The following SHOX variants were observed in gnomAD, a reference collection of about 807,000 sequenced individuals.
SHOX encodes the protein SHOX homeobox.
SHOX carries 12 observed loss-of-function variants against 29.6 expected under a neutral mutation model. The ratio of observed to expected loss-of-function variants is 0.41; its 90% CI spans 0.26 to 0.66. The LOEUF (loss-of-function observed/expected upper bound fraction) is 0.66, where lower values mean the gene tolerates loss of function less well. Among genes scored for constraint, SHOX ranks in the 30% least tolerant of loss-of-function variants. The probability of loss-of-function intolerance (pLI) is 0.35; values close to 1 mark genes in which losing one functional copy is unlikely to be tolerated. For missense variants in SHOX, 499 were observed against 437.7 expected, an observed-to-expected ratio of 1.14 and a Z score of -1.25; for synonymous variants, 214 against 200.6, an observed-to-expected ratio of 1.07 and a Z score of -0.57.
chrX:631,735 T>C (rs921057486), intron 1 of SHOX, among the ~76,000 whole-genome samples: 15 of 152,224 alleles, frequency 9.9e-5, no homozygotes, highest in Non-Finnish European at 1.9e-4. Flanking sequence ...ATTCACCATG[T>C]TGGCCAGGCT....
upstream of SHOX, among the ~76,000 whole-genome samples, chrX:626,479 C>T (rs1411294063): frequency 7.3e-6 from 1 of 137,120 alleles, no homozygotes; most frequent in Non-Finnish European, 1.6e-5. Context: ...ATCTCTGTCT[C>T]TCTTTCTCTC....
upstream of SHOX, among the ~76,000 whole-genome samples, chrX:628,483 TTC>T (rs1380318722): frequency 2.9e-5 from 3 of 105,232 alleles, no homozygotes; most frequent in East Asian, 3.1e-4. Flanking sequence ...CTCCCTGTGT[TTC>T]TCTCTCTCCA....
intron 5 of SHOX, among the ~76,000 whole-genome samples, chrX:658,336 T>G (rs1342400013): frequency 6.6e-6 from 1 of 152,028 alleles, no homozygotes; most frequent in East Asian, 1.9e-4. Flanking sequence ...ACCATGAAGA[T>G]AGACAGACTC....
rs756164737 is a variant in SHOX, at chrX:650,554, C to A, written c.*5918C>A. Among the ~76,000 whole-genome samples the A allele has an allele frequency of 6.6e-5, 10 of 151,982 alleles. No homozygotes were observed. The highest frequency in any genetic ancestry group is 2.2e-4 in the African/African-American group (9 of 41,486). Reference sequence around the variant, plus strand: ...AGGATGAAAGGGAAATACCAGAGTCCTCTGTCCTCGCCTCTGGGTTTCATG... The same window carrying A: ...AGGATGAAAGGGAAATACCAGAGTCATCTGTCCTCGCCTCTGGGTTTCATG... On this transcript the variant is annotated 3_prime_UTR_variant, in exon 5 of 5. Transcript: ENST00000686671.
rs2053033970 is a variant in SHOX at position 650,237 on chromosome X, C to CAAAGCTGGAGGTCTGGA, written c.*5609_*5610insAGGTCTGGAAAAGCTGG. On this transcript the variant is annotated 3_prime_UTR_variant, in exon 5 of 5. Coordinates refer to ENST00000686671, the MANE Select transcript of SHOX (RefSeq NM_000451.4). ...CGTCCAACACCCGTTTTTCCACTTA[C>CAAAGCTGGAGGTCTGGA]AAAGCTGGTGGTGCGACGGGCTTGG... Among the ~76,000 whole-genome samples the CAAAGCTGGAGGTCTGGA allele has an allele frequency of 6.6e-6, 1 of 152,204 alleles. No homozygotes were observed. The highest frequency in any genetic ancestry group is 1.5e-5 in the Non-Finnish European group (1 of 68,038).
rs1165562276 is a variant in SHOX, at chrX:645,212, G to T, written c.*576G>T. The T allele has an allele frequency of 6.6e-6, 1 of 152,154 alleles. No individual in the cohort carries two copies. Among genetic ancestry groups the T allele is most frequent in the East Asian group, 1.9e-4 (1 of 5,164 alleles). 9.4% of individuals were successfully genotyped at this position (152,154 alleles called of 1,614,324 possible). A position where few individuals can be genotyped will look rare whatever the true frequency, so the allele number is the denominator to read the frequency against. On this transcript the variant is annotated 3_prime_UTR_variant, in exon 5 of 5. Coordinates refer to ENST00000686671, the MANE Select transcript of SHOX (RefSeq NM_000451.4). Reference sequence around the variant, plus strand: ...CCGGAGCCTCCCAGGCAGCAATAAGGAAATAGTTCTCTGGCTGAGGCTGAG... The same window carrying T: ...CCGGAGCCTCCCAGGCAGCAATAAGTAAATAGTTCTCTGGCTGAGGCTGAG...
At position 631,097 on chromosome X, in the gene SHOX, C is replaced by T. The variant is rs765679079; in HGVS notation, c.200C>T (p.Pro67Leu). The T allele has an allele frequency of 8.1e-6, 13 of 1,613,602 alleles. No individual in the cohort carries two copies. Among genetic ancestry groups the T allele is most frequent in the African/African-American group, 2.7e-5 (2 of 74,920 alleles). ...QDITEGGGHC[P>L]VHLFKDHVDN... ...ATCACGGAGGGCGGCGGCCACTGCC[C>T]GGTGCATTTGTTCAAGGACCACGTA... is the stretch of plus-strand genomic sequence containing the variant. The change falls in exon 1 of 5, where the codon CCG becomes CTG. Residue 67 changes from proline (P) to leucine (L), a missense_variant. Physicochemically the swap from Pro to Leu is moderately conservative, Grantham distance 98. Transcript: ENST00000686671.
Position 650,068 on chromosome X carries a change from T to C in SHOX, c.*5432T>C. 9 of 454,528 alleles carry C rather than the reference T, an allele frequency of 2.0e-5. No homozygotes were observed. The highest frequency in any genetic ancestry group is 1.4e-4 in the South Asian group (9 of 64,286). The allele number at this position is 454,528 out of a possible 1,614,324, so 28.2% of individuals were successfully genotyped here. A position where few individuals can be genotyped will look rare whatever the true frequency, so the allele number is the denominator to read the frequency against. ...TGGCAATTGCCAAGAGTTAGAAAAA[T>C]GCACCTTCTCTGGTGGCCGTTGGGG... On this transcript the variant is annotated 3_prime_UTR_variant, in exon 5 of 5. Transcript: ENST00000686671.
At chrX:657,943 C>G (rs1346660960) in intron 5 of SHOX, among the ~76,000 whole-genome samples, 2 of 152,076 alleles carry the variant, frequency 1.3e-5, no homozygotes, top group Non-Finnish European at 2.9e-5. Flanking sequence ...AAGAGGATTA[C>G]TTTGGAAGTT....
chrX:628,553 C>T (rs2052586840), upstream of SHOX, among the ~76,000 whole-genome samples: 1 of 84,674 alleles, frequency 1.2e-5, no homozygotes, highest in Non-Finnish European at 2.6e-5. Context: ...CTCTCTCTTT[C>T]TCTCTCTATC....
In SHOX at chrX:630,882, A is replaced by G. The variant is rs1461154623; in HGVS notation, c.-16A>G. The stretch of plus-strand genomic sequence containing the variant: ...CATCCACCAGCCCCGGCTGCTCGCC[A>G]GCCCCGGCCCCAGCCATGGAAGAGC... On this transcript the variant is annotated 5_prime_UTR_variant, in exon 1 of 5. Transcript: ENST00000686671. The G allele has an allele frequency of 6.2e-7, 1 of 1,612,490 alleles. No individual in the cohort carries two copies. Among genetic ancestry groups the G allele is most frequent in the African/African-American group, 1.3e-5 (1 of 75,020 alleles).
chrX:641,204 C>A, intron 4 of SHOX, 117 bp downstream of exon 4: 1 of 1,001,348 alleles, frequency 1.0e-6, no homozygotes, highest in South Asian at 1.3e-5. Context: ...GCAGACTTCT[C>A]AGCTGGCCCT....
intron 5 of SHOX, among the ~76,000 whole-genome samples, chrX:658,118 G>A (rs1203180531): frequency 6.6e-6 from 1 of 151,932 alleles, no homozygotes; most frequent in Non-Finnish European, 1.5e-5. Context: ...GGGATCACAG[G>A]TGTGCACCAC....
At position 634,614 on chromosome X, in the gene SHOX, G is replaced by T. The variant is rs1345280057; in HGVS notation, c.278-4G>T. The T allele has an allele frequency of 1.9e-6, 3 of 1,613,396 alleles. No homozygotes were observed. The highest frequency in any genetic ancestry group is 2.5e-6 in the Non-Finnish European group (3 of 1,179,840). On this transcript the variant is annotated splice_region_variant and splice_polypyrimidine_tract_variant and intron_variant, in intron 1 of 4. Coordinates refer to ENST00000686671, the MANE Select transcript of SHOX (RefSeq NM_000451.4). ...CAGCCCTGTGCCCTCCGCTCCCCAC[G>T]CAGGGATTTATGAATGCAAAGAGAA...
Position 634,605 on chromosome X carries a change from G to T in SHOX, c.278-13G>T. ...CCCCGGCCTCAGCCCTGTGCCCTCC[G>T]CTCCCCACGCAGGGATTTATGAATG... On this transcript the variant is annotated splice_polypyrimidine_tract_variant and intron_variant, in intron 1 of 4. Coordinates refer to ENST00000686671, the MANE Select transcript of SHOX (RefSeq NM_000451.4). The T allele has an allele frequency of 1.2e-6, 2 of 1,612,742 alleles. No homozygotes were observed. Among genetic ancestry groups the T allele is most frequent in the Non-Finnish European group, 1.7e-6 (2 of 1,179,682 alleles).
rs1421873915 is a variant in SHOX at position 650,710 on chromosome X, G to A, written c.*6074G>A. ...CACTCCCACGACACACATTTCGGAG[G>A]CACTTTGCTGGAAGCCGCTTGTCTC... On this transcript the variant is annotated 3_prime_UTR_variant, in exon 5 of 5. Coordinates refer to ENST00000686671, the MANE Select transcript of SHOX (RefSeq NM_000451.4). Among the ~76,000 whole-genome samples, 1 of 147,984 alleles carries A rather than the reference G, an allele frequency of 6.8e-6. No individual in the cohort carries two copies. Among genetic ancestry groups the A allele is most frequent in the African/African-American group, 2.5e-5 (1 of 40,132 alleles).
At chrX:655,183 C>A (rs112416808), downstream of SHOX, among the ~76,000 whole-genome samples, 1 of 151,810 alleles carries the variant, frequency 6.6e-6, no homozygotes, top group Non-Finnish European at 1.5e-5. Context: ...TCTCAGCTCA[C>A]TGCAACCTCC....
Position 647,234 on chromosome X carries a change from G to A in SHOX, c.*2598G>A, listed in dbSNP as rs1333097868. ...TGGGATTACAGGCACCTGCCACCAGGCCTGGGTAACTTTCTGGTATTTTTA... is the reference window on the plus strand; with the variant it reads ...TGGGATTACAGGCACCTGCCACCAGACCTGGGTAACTTTCTGGTATTTTTA... On this transcript the variant is annotated 3_prime_UTR_variant, in exon 5 of 5. Coordinates refer to ENST00000686671, the MANE Select transcript of SHOX (RefSeq NM_000451.4). Among the ~76,000 whole-genome samples the A allele has an allele frequency of 6.6e-6, 1 of 151,136 alleles. No homozygotes were observed. The highest frequency in any genetic ancestry group is 1.5e-5 in the Non-Finnish European group (1 of 67,860).
At chrX:629,855 T>A (rs1284524256), upstream of SHOX, among the ~76,000 whole-genome samples, 3 of 152,084 alleles carry the variant, frequency 2.0e-5, no homozygotes, top group Non-Finnish European at 4.4e-5. Flanking sequence ...AGCACCGGCT[T>A]CCCCTGAAGC....
Sources: allele counts gnomAD v4.1 joint callset (sites outside exome capture counted in the v4.1 genomes callset), GRCh38; gene constraint gnomAD v4.1.1; transcripts MANE v1.5; gene names NCBI Gene and HGNC (gene_info 2026-07-23, HGNC 2026-07-21).